The following GAB3 variants were observed in gnomAD, a reference collection of about 807,000 sequenced individuals.
GAB3 encodes the protein GRB2 associated binding protein 3.
In GAB3, 12 loss-of-function variants were observed where a neutral mutation model predicts 40.4. The ratio of observed to expected loss-of-function variants is 0.30; its 90% confidence interval spans 0.19 to 0.48. GAB3 has a LOEUF of 0.48. Among genes scored for constraint, GAB3 ranks in the 20% least tolerant of loss-of-function variants. The pLI is 0.99. For missense variants in GAB3, 381 were observed against 461.9 expected, an observed-to-expected ratio of 0.82 and a Z score of 1.61; for synonymous variants, 154 against 176.7, an observed-to-expected ratio of 0.87 and a Z score of 1.02.
chrX:154,687,191 CA>C (rs199772357), intron 8 of GAB3, among the ~76,000 whole-genome samples: 2 of 105,574 alleles, frequency 1.9e-5, no homozygotes, highest in African/African-American at 3.5e-5. Flanking sequence ...GACTCTATCT[CA>C]AAAAAAAGAA....
chrX:154,726,692 A>C (rs1203325897), intron 1 of GAB3, among the ~76,000 whole-genome samples: 1 of 111,552 alleles, frequency 9.0e-6, no homozygotes, highest in Non-Finnish European at 1.9e-5. Context: ...CAGGGCCAAA[A>C]TGCAGCTTTT....
At chrX:154,720,653 A>G (rs2071119442) in intron 1 of GAB3, among the ~76,000 whole-genome samples, 1 of 108,466 alleles carries the variant, frequency 9.2e-6, no homozygotes, top group East Asian at 2.8e-4. Flanking sequence ...AAAAAAAGCA[A>G]AAGAATTTGT....
chrX:154,718,480 A>G (rs2071080444), intron 1 of GAB3, among the ~76,000 whole-genome samples: 3 of 111,795 alleles, frequency 2.7e-5, no homozygotes, highest in Non-Finnish European at 5.6e-5. Context: ...AGGAAAAATA[A>G]CAGCATGTTT....
At chrX:154,703,195 G>T (rs782003760) in intron 4 of GAB3, among the ~76,000 whole-genome samples, 1 of 111,972 alleles carries the variant, frequency 8.9e-6, no homozygotes, top group Admixed American at 9.5e-5. Context: ...AAAGACACAT[G>T]CACGCATATG....
At chrX:154,682,743 C>T (rs1296027787) in intron 8 of GAB3, among the ~76,000 whole-genome samples, 5 of 110,982 alleles carry the variant, frequency 4.5e-5, no homozygotes, top group African/African-American at 6.6e-5. Flanking sequence ...TTTGGGAGGC[C>T]GAGGCGAGCG....
At chrX:154,730,797 A>G (rs1178846119) in intron 1 of GAB3, among the ~76,000 whole-genome samples, 1 of 111,648 alleles carries the variant, frequency 9.0e-6, no homozygotes, top group Non-Finnish European at 1.9e-5. Context: ...ATTGCCGGTG[A>G]CCTTTCAGCC....
intron 4 of GAB3, among the ~76,000 whole-genome samples, chrX:154,704,042 T>G (rs1327838207): frequency 9.0e-6 from 1 of 111,577 alleles, no homozygotes; most frequent in Non-Finnish European, 1.9e-5. Flanking sequence ...ATATATACGA[T>G]AGAGTACTCT....
At chrX:154,684,994 G>A (rs1281146792) in intron 8 of GAB3, among the ~76,000 whole-genome samples, 2 of 110,966 alleles carry the variant, frequency 1.8e-5, no homozygotes, top group Non-Finnish European at 3.8e-5. Context: ...TTAACTCCTC[G>A]TTCTGATTTA....
chrX:154,747,818 G>A (rs2071551762), intron 1 of GAB3, among the ~76,000 whole-genome samples: 1 of 112,362 alleles, frequency 8.9e-6, no homozygotes, highest in African/African-American at 3.2e-5. Flanking sequence ...AAGAAAAATT[G>A]TATTGGGGAT....
chrX:154,712,680 G>A lies in GAB3; in HGVS notation c.618C>T (p.Ser206=), dbSNP rs782746810. The change falls in exon 4 of 10, where the codon AGC becomes AGT. Residue 206 remains serine, a synonymous_variant. Coordinates refer to ENST00000424127, the MANE Select transcript of GAB3 (RefSeq NM_001081573.3). ...HHTSLPTRCD[S]WSNSDRSLEQ... is the part of the protein sequence containing the mutation. ...CCAATGAACGGTCTGAGTTTGACCA[G>A]CTATCACATCTGGTGGGTAGACTGG... is the stretch of plus-strand genomic sequence containing the variant. The A allele has an allele frequency of 1.2e-5, 13 of 1,119,563 alleles. No homozygotes were observed. Among genetic ancestry groups the A allele is most frequent in the Non-Finnish European group, 1.4e-5 (12 of 849,692 alleles). The allele number at this position is 1,119,563 out of a possible 1,213,427, so 92.3% of individuals were successfully genotyped here.
intron 8 of GAB3, among the ~76,000 whole-genome samples, chrX:154,683,257 A>G (rs1557247176): frequency 8.9e-6 from 1 of 112,169 alleles, no homozygotes; most frequent in African/African-American, 3.2e-5. Context: ...ACGTTTTGCC[A>G]CTTGGGCTGC....
intron 8 of GAB3, among the ~76,000 whole-genome samples, chrX:154,682,468 G>A (rs1157250653): frequency 9.0e-6 from 1 of 111,302 alleles, no homozygotes; most frequent in African/African-American, 3.3e-5. Context: ...CATTTGTTAT[G>A]AGGTTAGAGA....
chrX:154,684,578 T>C (rs955823752), intron 8 of GAB3, among the ~76,000 whole-genome samples: 1 of 112,046 alleles, frequency 8.9e-6, no homozygotes, highest in African/African-American at 3.2e-5. Flanking sequence ...TCTTTTGTAT[T>C]AGTTTTGTTA....
At chrX:154,738,473 G>A (rs781881748) in intron 1 of GAB3, among the ~76,000 whole-genome samples, 2 of 112,436 alleles carry the variant, frequency 1.8e-5, no homozygotes, top group Admixed American at 1.9e-4. Flanking sequence ...CTTGCAGTCA[G>A]AACTATCACA....
intron 4 of GAB3, among the ~76,000 whole-genome samples, chrX:154,709,403 C>T (rs896974655): frequency 9.4e-6 from 1 of 106,349 alleles, no homozygotes; most frequent in African/African-American, 3.4e-5. Flanking sequence ...TCACTGCAAA[C>T]TCTGCCTCCC....
At chrX:154,720,044 C>G in intron 1 of GAB3, among the ~76,000 whole-genome samples, 1 of 110,878 alleles carries the variant, frequency 9.0e-6, no homozygotes, top group South Asian at 3.8e-4. Context: ...TTTTTTCAAT[C>G]CTCCGAGACA....
At chrX:154,701,342 TA>T (rs1363291004) in intron 4 of GAB3, among the ~76,000 whole-genome samples, 1 of 112,585 alleles carries the variant, frequency 8.9e-6, no homozygotes, top group Admixed American at 9.4e-5. Flanking sequence ...CAGACCCTTT[TA>T]AAGCCATCAA....
chrX:154,744,880 A>C (rs782686167), intron 1 of GAB3, among the ~76,000 whole-genome samples: 1 of 112,818 alleles, frequency 8.9e-6, no homozygotes, highest in Non-Finnish European at 1.9e-5. Flanking sequence ...TAATAGAAAG[A>C]TATCTAGAAA....
chrX:154,725,671 G>A (rs1453763769), intron 1 of GAB3, among the ~76,000 whole-genome samples: 1 of 110,381 alleles, frequency 9.1e-6, no homozygotes, highest in African/African-American at 3.3e-5. Context: ...GACTTTGGCT[G>A]AATACTAACA....
Sources: allele counts gnomAD v4.1 joint callset (sites outside exome capture counted in the v4.1 genomes callset), GRCh38; gene constraint gnomAD v4.1.1; transcripts MANE v1.5; gene names NCBI Gene and HGNC (gene_info 2026-07-23, HGNC 2026-07-21).